Variants in SREK1IP1 observed in about 807,000 individuals in gnomAD.
SREK1IP1 encodes the protein SREK1 interacting protein 1.
A neutral mutation model predicts 22.8 loss-of-function variants in SREK1IP1; 12 were observed. The ratio of observed to expected loss-of-function variants is 0.53; its 90% CI spans 0.34 to 0.85. The LOEUF is 0.85. Among genes scored for constraint, SREK1IP1 ranks in the 40% least tolerant of loss-of-function variants. SREK1IP1 has a pLI of 0.02. For missense variants in SREK1IP1, 147 were observed against 171.8 expected, an observed-to-expected ratio of 0.86 and a Z score of 0.81; for synonymous variants, 53 against 52.7, an observed-to-expected ratio of 1.01 and a Z score of -0.02.
intron 1 of SREK1IP1, among the ~76,000 whole-genome samples, chr5:64,761,835 G>A (rs1742956839): frequency 6.6e-6 from 1 of 152,102 alleles, no homozygotes; most frequent in African/African-American, 2.4e-5. Flanking sequence ...GATCTGTGCT[G>A]TTTTTAAAAC....
rs186950028 is a variant in SREK1IP1 at position 64,765,236 on chromosome 5, C to G, written c.13+3269G>C. The G allele has an allele frequency of 7.3e-4, 111 of 152,286 alleles. 2 individuals are homozygous for G. The highest frequency in any genetic ancestry group is 2.3e-3 in the African/African-American group (95 of 41,556). The allele number at this position is 152,286 out of a possible 1,614,324, so 9.4% of individuals were successfully genotyped here. A position where few individuals can be genotyped will look rare whatever the true frequency, so the allele number is the denominator to read the frequency against. On this transcript the variant is annotated intron_variant, in intron 1 of 4. Transcript: ENST00000513458. The stretch of plus-strand genomic sequence containing the variant: ...AAGATTTTCCTAAATGCCTACATTT[C>G]ATTGCATTACCTACATAATGGTATA...
chr5:64,725,857 G>GT (rs1742254071), intron 4 of SREK1IP1, among the ~76,000 whole-genome samples: 4 of 108,082 alleles, frequency 3.7e-5, no homozygotes, highest in African/African-American at 3.8e-5. Flanking sequence ...TTTTTTGTTT[G>GT]TTTCTTTTTT....
chr5:64,757,242 T>G (rs556033098), intron 1 of SREK1IP1, among the ~76,000 whole-genome samples: 2 of 152,144 alleles, frequency 1.3e-5, no homozygotes, highest in Non-Finnish European at 2.9e-5. Flanking sequence ...ACAAATTCTT[T>G]GTTTTAATTA....
intron 2 of SREK1IP1, among the ~76,000 whole-genome samples, chr5:64,746,960 C>T (rs1216964981): frequency 6.6e-6 from 1 of 152,162 alleles, no homozygotes; most frequent in African/African-American, 2.4e-5. Context: ...CAGAACTCAG[C>T]AAAACAGTTT....
chr5:64,732,695 A>G (rs1742399836), intron 3 of SREK1IP1, among the ~76,000 whole-genome samples: 1 of 152,310 alleles, frequency 6.6e-6, no homozygotes, highest in South Asian at 2.1e-4. Context: ...AAATATAGTC[A>G]TAAGTTTAAA....
At chr5:64,745,292 G>GA (rs1742614594) in intron 2 of SREK1IP1, among the ~76,000 whole-genome samples, 1 of 152,064 alleles carries the variant, frequency 6.6e-6, no homozygotes, top group Non-Finnish European at 1.5e-5. Context: ...TCTTTGATCA[G>GA]AACTCCTGAT....
At chr5:64,739,225 T>A (rs1304918212) in intron 3 of SREK1IP1, among the ~76,000 whole-genome samples, 1 of 152,138 alleles carries the variant, frequency 6.6e-6, no homozygotes, top group Non-Finnish European at 1.5e-5. Context: ...CTAGACTAAT[T>A]GTGATATATG....
In SREK1IP1 at chr5:64,724,307, T is replaced by C; in HGVS notation, c.*77A>G. ...CTGTGATTTATTGCAAAGCATAATATATAGCAAATTCCAAGGAAGGGCAAA... is the reference window on the plus strand; with the variant it reads ...CTGTGATTTATTGCAAAGCATAATACATAGCAAATTCCAAGGAAGGGCAAA... On this transcript the variant is annotated 3_prime_UTR_variant, in exon 5 of 5. Transcript: ENST00000513458. The C allele has an allele frequency of 7.8e-7, 1 of 1,288,414 alleles. No homozygotes were observed. The highest frequency in any genetic ancestry group is 1.1e-6 in the Non-Finnish European group (1 of 940,114). The allele number at this position is 1,288,414 out of a possible 1,614,324, so 79.8% of individuals were successfully genotyped here.
chr5:64,735,198 C>T (rs1742441257), intron 3 of SREK1IP1, among the ~76,000 whole-genome samples: 1 of 151,806 alleles, frequency 6.6e-6, no homozygotes. Flanking sequence ...ATGAATTACA[C>T]TGACTTCTGA....
At chr5:64,748,293 G>A (rs1742678426) in intron 2 of SREK1IP1, among the ~76,000 whole-genome samples, 1 of 152,150 alleles carries the variant, frequency 6.6e-6, no homozygotes, top group Admixed American at 6.5e-5. Flanking sequence ...TCTAGAATAG[G>A]CAAATTCACA....
intron 1 of SREK1IP1, among the ~76,000 whole-genome samples, chr5:64,760,606 C>CA (rs558620260): frequency 4.6e-5 from 7 of 152,176 alleles, no homozygotes; most frequent in African/African-American, 1.7e-4. Flanking sequence ...ATAAGCACAA[C>CA]AAAGAGTCAG....
chr5:64,752,737 A>T (rs956795358), intron 2 of SREK1IP1, among the ~76,000 whole-genome samples: 1 of 152,150 alleles, frequency 6.6e-6, no homozygotes, highest in Non-Finnish European at 1.5e-5. Flanking sequence ...CATCTTCTTG[A>T]CCTTTCTCTT....
intron 3 of SREK1IP1, among the ~76,000 whole-genome samples, chr5:64,739,013 T>C (rs1020949919): frequency 7.2e-5 from 11 of 152,184 alleles, no homozygotes; most frequent in Admixed American, 5.2e-4. Flanking sequence ...CTTTGACAGA[T>C]GACCTGTTTA....
intron 1 of SREK1IP1, among the ~76,000 whole-genome samples, chr5:64,757,861 CTTTTTTTTTTTTT>C (rs59456636): frequency 5.1e-4 from 37 of 72,962 alleles, no homozygotes; most frequent in South Asian, 1.1e-3. Flanking sequence ...AGGTTCCTAT[CTTTTTTTTTTTTT>C]TTTTTTTTTT....
intron 2 of SREK1IP1, among the ~76,000 whole-genome samples, chr5:64,750,831 C>T (rs1376659389): frequency 6.6e-6 from 1 of 152,174 alleles, no homozygotes; most frequent in Non-Finnish European, 1.5e-5. Flanking sequence ...CTTAATCTTT[C>T]CTTATCCTCC....
At chr5:64,754,120 T>C (rs886453341) in intron 2 of SREK1IP1, among the ~76,000 whole-genome samples, 195 bp downstream of exon 2, 1 of 152,220 alleles carries the variant, frequency 6.6e-6, no homozygotes, top group Non-Finnish European at 1.5e-5. Flanking sequence ...CATAGCTACC[T>C]GTTACTGGGT....
At chr5:64,728,532 T>G (rs925647984) in intron 3 of SREK1IP1, among the ~76,000 whole-genome samples, 5 of 152,162 alleles carry the variant, frequency 3.3e-5, no homozygotes, top group Admixed American at 6.5e-5. Context: ...TGCAACAAAA[T>G]TAGGATCATG....
chr5:64,727,553 A>ATATATATATATATTTTTTTTTT lies in SREK1IP1; in HGVS notation c.278+553_278+554insAAAAAAAAAATATATATATATA. 3.6e-3 allele frequency: 308 copies of ATATATATATATATTTTTTTTTT among 84,466 alleles called. 8 individuals carry two copies. The highest frequency in any genetic ancestry group is 0.016 in the African/African-American group (290 of 18,016). 5.2% of individuals were successfully genotyped at this position (84,466 alleles called of 1,614,324 possible). On this transcript the variant is annotated intron_variant, in intron 4 of 4. Transcript: ENST00000513458. Reference sequence around the variant, plus strand: ...TACATATATATATATATATATATATATTTTTTTTTTTTTGGTGGGCGGGGG... The same window carrying ATATATATATATATTTTTTTTTT: ...TACATATATATATATATATATATATATATATATATATATTTTTTTTTTTTTTTTTTTTTTTGGTGGGCGGGGG...
rs930698067 is a variant in SREK1IP1, at chr5:64,721,935, C to T, written c.*2449G>A. 6.6e-6 allele frequency: 1 copy of T among 151,848 alleles called. No homozygotes were observed. Among genetic ancestry groups the T allele is most frequent in the Admixed American group, 6.6e-5 (1 of 15,248 alleles). The allele number at this position is 151,848 out of a possible 1,614,324, so 9.4% of individuals were successfully genotyped here. A position where few individuals can be genotyped will look rare whatever the true frequency, so the allele number is the denominator to read the frequency against. On this transcript the variant is annotated 3_prime_UTR_variant, in exon 5 of 5. Coordinates refer to ENST00000513458, the MANE Select transcript of SREK1IP1 (RefSeq NM_173829.4). ...TTTTATAGACGAAAGACACCAAGGC[C>T]CAGGGAAACTAAGTGACTTTGTTCA...
Sources: allele counts gnomAD v4.1 joint callset (sites outside exome capture counted in the v4.1 genomes callset), GRCh38; gene constraint gnomAD v4.1.1; transcripts MANE v1.5; gene names NCBI Gene and HGNC (gene_info 2026-07-23, HGNC 2026-07-21).